Variants in CHRM2 observed in about 807,000 individuals in gnomAD.
CHRM2 encodes the protein muscarinic acetylcholine receptor M2.
A neutral mutation model predicts 25.0 loss-of-function variants in CHRM2; 8 were observed. That is an observed-to-expected ratio of 0.32 (90% CI 0.19 to 0.58). The LOEUF is 0.58. Among genes scored for constraint, CHRM2 ranks in the 20% least tolerant of loss-of-function variants. The pLI is 0.88. For missense variants in CHRM2, 440 were observed against 567.1 expected (o/e 0.78, Z 2.28); for synonymous variants, 202 against 205.7 (o/e 0.98, Z 0.15).
chr7:136,944,339 G>A (rs1043243093), intron 2 of CHRM2, among the ~76,000 whole-genome samples: 1 of 133,316 alleles, frequency 7.5e-6, no homozygotes, highest in African/African-American at 3.3e-5. Flanking sequence ...AACATACAAT[G>A]TTTGTTTTTT....
intron 2 of CHRM2, among the ~76,000 whole-genome samples, chr7:136,878,174 A>G (rs1796121167): frequency 6.6e-6 from 1 of 151,934 alleles, no homozygotes; most frequent in Admixed American, 6.6e-5. Flanking sequence ...TTCTTTGGAG[A>G]GCATCAGGGC....
intron 2 of CHRM2, among the ~76,000 whole-genome samples, chr7:136,926,002 C>T (rs903807517): frequency 5.9e-5 from 9 of 152,080 alleles, no homozygotes; most frequent in South Asian, 2.1e-4. Context: ...TTTGGGAGGC[C>T]GAGGTGGGCA....
intron 2 of CHRM2, among the ~76,000 whole-genome samples, chr7:136,931,581 C>A (rs1799108918): frequency 6.6e-6 from 1 of 152,176 alleles, no homozygotes; most frequent in South Asian, 2.1e-4. Context: ...CAGTTACCAG[C>A]ACCTCCCCCA....
intron 2 of CHRM2, among the ~76,000 whole-genome samples, chr7:136,977,127 T>C (rs1472610696): frequency 6.6e-6 from 1 of 152,220 alleles, no homozygotes; most frequent in Non-Finnish European, 1.5e-5. Flanking sequence ...GCTCTCCACA[T>C]GGCTTCCCTC....
At chr7:136,885,537 G>T (rs748674804) in intron 2 of CHRM2, among the ~76,000 whole-genome samples, 1 of 152,204 alleles carries the variant, frequency 6.6e-6, no homozygotes, top group Non-Finnish European at 1.5e-5. Context: ...GATCGTGTAA[G>T]TGCTTTATAA....
intron 3 of CHRM2, among the ~76,000 whole-genome samples, chr7:137,009,678 C>G (rs1804677415): frequency 6.6e-6 from 1 of 151,912 alleles, no homozygotes; most frequent in Non-Finnish European, 1.5e-5. Context: ...GAGTTGGGTG[C>G]CCTTGGTTTG....
Position 136,952,751 on chromosome 7 carries a change from T to C in CHRM2, c.-124-39436T>C, listed in dbSNP as rs190463556. Among the ~76,000 whole-genome samples the C allele has an allele frequency of 3.6e-3, 551 of 152,290 alleles. 1 individual carries two copies. Among genetic ancestry groups the C allele is most frequent in the African/African-American group, 0.012 (514 of 41,574 alleles). On this transcript the variant is annotated intron_variant, in intron 2 of 3. Coordinates refer to ENST00000680005, the MANE Select transcript of CHRM2 (RefSeq NM_001006630.2). ...CAGAACCCTCCAATAGGCCCCCGTATATGTTGCTCCCTCTATGTGTTCATG... is the reference window on the plus strand; with the variant it reads ...CAGAACCCTCCAATAGGCCCCCGTACATGTTGCTCCCTCTATGTGTTCATG...
intron 2 of CHRM2, among the ~76,000 whole-genome samples, chr7:136,991,862 A>G (rs1266772793): frequency 6.6e-6 from 1 of 152,188 alleles, no homozygotes; most frequent in African/African-American, 2.4e-5. Context: ...CTAGGGTTAC[A>G]ATACTTACTA....
At chr7:136,976,074 T>C (rs1329495873) in intron 2 of CHRM2, among the ~76,000 whole-genome samples, 1 of 152,056 alleles carries the variant, frequency 6.6e-6, no homozygotes, top group African/African-American at 2.4e-5. Context: ...TGGATAGAAA[T>C]TGGCTAGTTA....
intron 2 of CHRM2, among the ~76,000 whole-genome samples, chr7:136,953,927 A>T (rs1800565742): frequency 6.6e-6 from 1 of 152,064 alleles, no homozygotes; most frequent in Non-Finnish European, 1.5e-5. Context: ...ATGCATTAGG[A>T]CATTTTCCTA....
chr7:136,942,414 C>G (rs910560280), intron 2 of CHRM2, among the ~76,000 whole-genome samples: 3 of 152,182 alleles, frequency 2.0e-5, no homozygotes, highest in Non-Finnish European at 4.4e-5. Context: ...CACCTGTTCC[C>G]AAGGACCAGT....
At position 136,876,255 on chromosome 7, in the gene CHRM2, A is replaced by C. The variant is rs76749321; in HGVS notation, c.-125+6837A>C. Among the ~76,000 whole-genome samples, 658 of 152,314 alleles carry C rather than the reference A, an allele frequency of 4.3e-3. 3 individuals are homozygous for C. Among genetic ancestry groups the C allele is most frequent in the African/African-American group, 0.015 (628 of 41,580 alleles). On this transcript the variant is annotated intron_variant, in intron 2 of 3. Coordinates refer to ENST00000680005, the MANE Select transcript of CHRM2 (RefSeq NM_001006630.2). ...ATTATTTACAAAGGAGTTAACTTATAAAAATGCTAGGCAACTTGGATGGTT... is the reference window on the plus strand; with the variant it reads ...ATTATTTACAAAGGAGTTAACTTATCAAAATGCTAGGCAACTTGGATGGTT...
At chr7:136,999,277 T>C (rs995385723) in intron 3 of CHRM2, among the ~76,000 whole-genome samples, 2 of 152,116 alleles carry the variant, frequency 1.3e-5, no homozygotes, top group African/African-American at 4.8e-5. Context: ...TGGGGCTTAA[T>C]AACTAGGTGA....
chr7:136,883,932 T>A (rs955345105), intron 2 of CHRM2, among the ~76,000 whole-genome samples: 2 of 152,190 alleles, frequency 1.3e-5, no homozygotes, highest in Non-Finnish European at 2.9e-5. Flanking sequence ...CTTGAAAGCA[T>A]CTACTTTCTT....
chr7:136,986,136 G>C (rs988951744), intron 2 of CHRM2, among the ~76,000 whole-genome samples: 4 of 152,170 alleles, frequency 2.6e-5, no homozygotes, highest in Admixed American at 6.5e-5. Flanking sequence ...TTTGGACAGT[G>C]ATGGAAATGG....
intron 2 of CHRM2, chr7:136,938,639 C>T (rs534300503): frequency 4.3e-5 from 36 of 834,568 alleles, no homozygotes; most frequent in South Asian, 2.6e-4. Flanking sequence ...GGAGCTCATG[C>T]GGGCACAGGG....
intron 2 of CHRM2, among the ~76,000 whole-genome samples, chr7:136,889,967 A>T (rs1262941478): frequency 1.3e-5 from 2 of 152,194 alleles, no homozygotes; most frequent in Non-Finnish European, 2.9e-5. Context: ...CCAGGGAGGA[A>T]TAGACTTCTC....
In CHRM2 at chr7:137,005,460, C is replaced by T. The variant is rs981020895; in HGVS notation, c.-46-9360C>T. Among the ~76,000 whole-genome samples, 7 of 152,060 alleles carry T rather than the reference C, an allele frequency of 4.6e-5. 1 individual carries two copies. Among genetic ancestry groups the T allele is most frequent in the African/African-American group, 1.7e-4 (7 of 41,440 alleles). ...AAAAATTTCACTTCTATGTGCACCTCCTAATATTTTCACAGCCTCTAATCT... is the reference window on the plus strand; with the variant it reads ...AAAAATTTCACTTCTATGTGCACCTTCTAATATTTTCACAGCCTCTAATCT... On this transcript the variant is annotated intron_variant, in intron 3 of 3. Transcript: ENST00000680005.
At chr7:136,944,351 ACT>A (rs1172272827) in intron 2 of CHRM2, among the ~76,000 whole-genome samples, 2 of 121,836 alleles carry the variant, frequency 1.6e-5, no homozygotes, top group Non-Finnish European at 3.3e-5. Context: ...TTGTTTTTTC[ACT>A]CTCGAGTTAT....
Sources: gnomAD v4.1 joint callset for allele counts (sites outside exome capture counted in the v4.1 genomes callset) on GRCh38, gnomAD v4.1.1 for gene constraint, MANE v1.5 for transcripts, NCBI Gene and HGNC (gene_info 2026-07-23, HGNC 2026-07-21) for gene names.